SMYD3: variants seen among roughly 807,000 people sequenced by gnomAD.
The protein encoded by SMYD3 is histone-lysine N-methyltransferase SMYD3.
A neutral mutation model predicts 57.7 loss-of-function variants in SMYD3; 36 were observed. The observed-to-expected ratio is 0.62, with a 90% CI of 0.48 to 0.82. The LOEUF (loss-of-function observed/expected upper bound fraction) is 0.82, where lower values mean the gene tolerates loss of function less well. SMYD3 is among the 40% of genes least tolerant of loss of function. The pLI is 0.00. For missense variants in SMYD3, 515 were observed against 538.8 expected, an observed-to-expected ratio of 0.96 and a Z score of 0.44; for synonymous variants, 211 against 195.0, an observed-to-expected ratio of 1.08 and a Z score of -0.68.
chr1:245,834,996 C>CAACT (rs999833499), intron 10 of SMYD3, among the ~76,000 whole-genome samples: 3 of 151,998 alleles, frequency 2.0e-5, no homozygotes, highest in Non-Finnish European at 4.4e-5. Flanking sequence ...TACATAAGGG[C>CAACT]AACTATTCCT....
At chr1:246,412,730 T>C (rs7545137) in intron 1 of SMYD3, among the ~76,000 whole-genome samples, 150,822 of 151,998 alleles carry the variant, frequency 0.99, 74,841 homozygotes, top group East Asian at 1. Context: ...TGGTGGCCGG[T>C]GCCTGTAATC....
chr1:246,463,705 G>A (rs1252925908), intron 1 of SMYD3, among the ~76,000 whole-genome samples: 1 of 149,140 alleles, frequency 6.7e-6, no homozygotes, highest in Non-Finnish European at 1.5e-5. Context: ...GTGTTGTGGC[G>A]GGCGCCTGTA....
chr1:246,194,539 T>C (rs1052740217), intron 5 of SMYD3, among the ~76,000 whole-genome samples: 1 of 152,302 alleles, frequency 6.6e-6, no homozygotes, highest in African/African-American at 2.4e-5. Context: ...AGTGCTGGGA[T>C]TACAGGCGTC....
chr1:246,063,170 A>G (rs1208366193), intron 5 of SMYD3, among the ~76,000 whole-genome samples: 1 of 152,198 alleles, frequency 6.6e-6, no homozygotes, highest in Non-Finnish European at 1.5e-5. Context: ...GCAAGGGGAA[A>G]GGCACATGGG....
intron 5 of SMYD3, among the ~76,000 whole-genome samples, chr1:246,299,557 A>G (rs180916592): frequency 1.9e-3 from 286 of 152,272 alleles, no homozygotes; most frequent in Non-Finnish European, 3.0e-3. Context: ...TCATCGCAGC[A>G]CTATTCACAA....
chr1:246,397,751 C>G (rs143041449), intron 1 of SMYD3, among the ~76,000 whole-genome samples: 66 of 152,120 alleles, frequency 4.3e-4, no homozygotes, highest in African/African-American at 1.4e-3. Context: ...TCAGCCTCCC[C>G]ACAAGCTCGG....
At chr1:246,003,368 ACT>A (rs1483124849) in intron 5 of SMYD3, among the ~76,000 whole-genome samples, 1 of 152,090 alleles carries the variant, frequency 6.6e-6, no homozygotes, top group East Asian at 1.9e-4. Context: ...ACCTAATCAA[ACT>A]CTTTTAGGAC....
At chr1:246,115,610 GA>G (rs1211407896) in intron 5 of SMYD3, among the ~76,000 whole-genome samples, 1 of 152,208 alleles carries the variant, frequency 6.6e-6, no homozygotes, top group Non-Finnish European at 1.5e-5. Context: ...CACGTGCAGG[GA>G]AAAAGCAGCA....
intron 5 of SMYD3, among the ~76,000 whole-genome samples, chr1:246,274,141 C>CTAAAGCAAG (rs2064284500): frequency 6.6e-6 from 1 of 152,198 alleles, no homozygotes; most frequent in Non-Finnish European, 1.5e-5. Context: ...CACAGGGACT[C>CTAAAGCAAG]TAAAGCAAGT....
At position 246,279,819 on chromosome 1, in the gene SMYD3, G is replaced by A. The variant is rs558549360; in HGVS notation, c.531+47382C>T. Among the ~76,000 whole-genome samples the A allele has an allele frequency of 3.3e-5, 5 of 152,298 alleles. No homozygotes were observed. In the South Asian group the frequency reaches 8.3e-4, roughly 25 times the overall value. On this transcript the variant is annotated intron_variant, in intron 5 of 11. Coordinates refer to ENST00000490107, the MANE Select transcript of SMYD3 (RefSeq NM_001167740.2). ...ACTTCTCTATAAAACAAGGCTTTATGATCCTTAAGGCGTCTTCCAGGTCTA... is the reference window on the plus strand; with the variant it reads ...ACTTCTCTATAAAACAAGGCTTTATAATCCTTAAGGCGTCTTCCAGGTCTA...
chr1:245,886,568 C>A (rs2053094624), intron 8 of SMYD3, among the ~76,000 whole-genome samples: 1 of 152,132 alleles, frequency 6.6e-6, no homozygotes, highest in Non-Finnish European at 1.5e-5. Context: ...TTGAAACAAA[C>A]CGTTTGCCAT....
chr1:246,392,860 C>T (rs1333848174), intron 1 of SMYD3, among the ~76,000 whole-genome samples: 1 of 148,160 alleles, frequency 6.7e-6, no homozygotes, highest in Admixed American at 6.7e-5. Flanking sequence ...AGAAGATACA[C>T]AAATAGTCAA....
At chr1:246,363,525 T>G (rs990873966) in intron 1 of SMYD3, among the ~76,000 whole-genome samples, 2 of 152,194 alleles carry the variant, frequency 1.3e-5, no homozygotes, top group Non-Finnish European at 2.9e-5. Context: ...GGTTGCCGTG[T>G]CTGTGTAGAA....
At chr1:246,147,112 G>A (rs2061857795) in intron 5 of SMYD3, among the ~76,000 whole-genome samples, 1 of 152,178 alleles carries the variant, frequency 6.6e-6, no homozygotes, top group Admixed American at 6.5e-5. Flanking sequence ...TTCCATCCGA[G>A]TCCATATGTT....
At position 246,264,300 on chromosome 1, in the gene SMYD3, T is replaced by C. The variant is rs541790133; in HGVS notation, c.531+62901A>G. Reference sequence around the variant, plus strand: ...AAGCATCATTCAAAGCAAGTAGTAGTAAAAAGGAACAAAGCATAAGCCACA... The same window carrying C: ...AAGCATCATTCAAAGCAAGTAGTAGCAAAAAGGAACAAAGCATAAGCCACA... On this transcript the variant is annotated intron_variant, in intron 5 of 11. Transcript: ENST00000490107. 2.0e-5 allele frequency among the ~76,000 whole-genome samples: 3 copies of C among 152,280 alleles called. No homozygotes were observed. The South Asian group carries it at 6.2e-4, about 32-fold the overall frequency.
At chr1:245,801,440 G>A (rs1463176918) in intron 10 of SMYD3, among the ~76,000 whole-genome samples, 1 of 152,126 alleles carries the variant, frequency 6.6e-6, no homozygotes, top group African/African-American at 2.4e-5. Flanking sequence ...AAATATCTCA[G>A]ACTTCAGGCA....
rs192784524 is a variant in SMYD3, at chr1:246,153,124, C to T, written c.531+174077G>A. Among the ~76,000 whole-genome samples, 13 of 152,220 alleles carry T rather than the reference C, an allele frequency of 8.5e-5. No homozygotes were observed. The South Asian group carries it at 1.9e-3, about 22-fold the overall frequency. ...TGTCTACTCAAGCACCAAGCCTCTG[C>T]GTGTGTGCGTCTCCCTCAGATGATC... On this transcript the variant is annotated intron_variant, in intron 5 of 11. Coordinates refer to ENST00000490107, the MANE Select transcript of SMYD3 (RefSeq NM_001167740.2).
At chr1:246,252,679 G>A (rs2063816154) in intron 5 of SMYD3, among the ~76,000 whole-genome samples, 1 of 152,180 alleles carries the variant, frequency 6.6e-6, no homozygotes, top group African/African-American at 2.4e-5. Flanking sequence ...CCTGATTACT[G>A]TAGGGACTGT....
chr1:246,328,148 C>T (rs1413421390), intron 4 of SMYD3, among the ~76,000 whole-genome samples: 2 of 152,008 alleles, frequency 1.3e-5, no homozygotes, highest in African/African-American at 2.4e-5. Flanking sequence ...GAGCCAACAT[C>T]GCGCCACTGC....
Sources: allele counts gnomAD v4.1 joint callset (sites outside exome capture counted in the v4.1 genomes callset), GRCh38; gene constraint gnomAD v4.1.1; transcripts MANE v1.5; gene names NCBI Gene and HGNC (gene_info 2026-07-23, HGNC 2026-07-21).